The following RAB7B variants were observed in gnomAD, a reference collection of about 807,000 sequenced individuals.
RAB7B encodes the protein RAB7B, member RAS oncogene family, also known as ras-related protein Rab-7b.
chr1:205,991,745 A>G (rs1415539941), intron 4 of RAB7B, among the ~76,000 whole-genome samples: 1 of 152,236 alleles, frequency 6.6e-6, no homozygotes, highest in Non-Finnish European at 1.5e-5. Context: ...AACTTGGTTT[A>G]AACAGCTCTT....
At chr1:206,002,795 A>G (rs1660911175) in intron 1 of RAB7B, among the ~76,000 whole-genome samples, 2 of 152,284 alleles carry the variant, frequency 1.3e-5, no homozygotes, top group African/African-American at 4.8e-5. Context: ...AGGAGTGATA[A>G]TTTCCTACTC....
At chr1:205,990,854 C>T (rs998875685) in intron 4 of RAB7B, among the ~76,000 whole-genome samples, 201 of 146,278 alleles carry the variant, frequency 1.4e-3, no homozygotes, top group African/African-American at 4.8e-3. Context: ...GTGGTGCGAT[C>T]GCGGCTCACT....
chr1:205,986,518 T>C (rs961829708), intron 4 of RAB7B, among the ~76,000 whole-genome samples: 22 of 152,142 alleles, frequency 1.4e-4, no homozygotes, highest in Non-Finnish European at 1.8e-4. Flanking sequence ...TGCCTCTCCT[T>C]TTCTGTCTCC....
intron 5 of RAB7B, among the ~76,000 whole-genome samples, chr1:205,979,790 T>C (rs1473056670): frequency 6.6e-6 from 1 of 152,208 alleles, no homozygotes; most frequent in African/African-American, 2.4e-5. Flanking sequence ...GGCATGGACC[T>C]GAGCAGGGGC....
At chr1:205,997,805 C>T (rs971793987) in intron 1 of RAB7B, among the ~76,000 whole-genome samples, 21 of 152,324 alleles carry the variant, frequency 1.4e-4, no homozygotes, top group Non-Finnish European at 2.4e-4. Flanking sequence ...ATTGATACAA[C>T]GTGCTAACTT....
chr1:205,986,271 T>C (rs984636552), intron 4 of RAB7B, among the ~76,000 whole-genome samples: 2 of 152,222 alleles, frequency 1.3e-5, no homozygotes, highest in Admixed American at 6.5e-5. Context: ...GCTCCTACTA[T>C]GGGCCAGTTG....
At chr1:205,985,987 G>A (rs887689867) in intron 4 of RAB7B, among the ~76,000 whole-genome samples, 9 of 152,270 alleles carry the variant, frequency 5.9e-5, no homozygotes, top group East Asian at 1.9e-4. Context: ...AGGCTGAGCA[G>A]GATTTGAACA....
intron 1 of RAB7B, among the ~76,000 whole-genome samples, chr1:205,995,530 G>A (rs1660799184): frequency 6.6e-6 from 1 of 152,072 alleles, no homozygotes; most frequent in Non-Finnish European, 1.5e-5. Context: ...AAGAAAATCG[G>A]TACATGTACA....
At chr1:205,996,813 A>G (rs1044605951) in intron 1 of RAB7B, among the ~76,000 whole-genome samples, 1 of 152,206 alleles carries the variant, frequency 6.6e-6, no homozygotes, top group Non-Finnish European at 1.5e-5. Flanking sequence ...CCTTCTTTAC[A>G]TGGCAGCAGG....
intron 1 of RAB7B, among the ~76,000 whole-genome samples, chr1:205,996,452 A>T (rs939135457): frequency 7.9e-5 from 12 of 152,284 alleles, no homozygotes; most frequent in Non-Finnish European, 1.3e-4. Context: ...ACCTTGGGCC[A>T]GTTACTTCCC....
chr1:205,988,566 T>C (rs1660658947), intron 4 of RAB7B, among the ~76,000 whole-genome samples: 1 of 152,198 alleles, frequency 6.6e-6, no homozygotes, highest in Admixed American at 6.5e-5. Flanking sequence ...ATTTTCTTCT[T>C]ATTAGGTAGG....
In RAB7B at chr1:205,985,536, T is replaced by TCACC. The variant is rs1485531230; in HGVS notation, c.522_522+3dup. On this transcript the variant is annotated splice_donor_region_variant and intron_variant, in intron 5 of 5. Coordinates refer to ENST00000617070, the MANE Select transcript of RAB7B (RefSeq NM_001164522.3). Reference sequence around the variant, plus strand: ...CAGCAGGTCCTGCCGCCACAGCCACTCACCCTCGACAGAGCCCTACTGGCC... The same window carrying TCACC: ...CAGCAGGTCCTGCCGCCACAGCCACTCACCCACCCTCGACAGAGCCCTACTGGCC... 1.0e-5 allele frequency: 4 copies of TCACC among 398,636 alleles called. No homozygotes were observed. The highest frequency in any genetic ancestry group is 1.3e-5 in the Non-Finnish European group (3 of 226,192). 24.7% of individuals were successfully genotyped at this position (398,636 alleles called of 1,614,324 possible). A position where few individuals can be genotyped will look rare whatever the true frequency, so the allele number is the denominator to read the frequency against.
Position 205,984,774 on chromosome 1 carries a change from C to T in RAB7B, c.522+766G>A, listed in dbSNP as rs927653421. Among the ~76,000 whole-genome samples the T allele has an allele frequency of 7.2e-3, 1,100 of 152,236 alleles. 16 individuals carry two copies. Among genetic ancestry groups the T allele is most frequent in the African/African-American group, 0.025 (1,023 of 41,536 alleles). On this transcript the variant is annotated intron_variant, in intron 5 of 5. Coordinates refer to ENST00000617070, the MANE Select transcript of RAB7B (RefSeq NM_001164522.3). ...CCCTGCTTTCTCCTTTTTTCCCTGT[C>T]TTGCTTGGCTCATGGAATCACTAAT... is the stretch of plus-strand genomic sequence containing the variant.
chr1:206,001,431 C>T (rs1660889352), intron 1 of RAB7B, among the ~76,000 whole-genome samples: 1 of 152,160 alleles, frequency 6.6e-6, no homozygotes. Context: ...TTCATCTCAG[C>T]TGTGAAATGT....
intron 5 of RAB7B, among the ~76,000 whole-genome samples, chr1:205,981,456 C>T (rs1425867170): frequency 2.6e-5 from 4 of 152,220 alleles, no homozygotes; most frequent in African/African-American, 9.6e-5. Context: ...TAACTGAACA[C>T]CTACTCTGAT....
chr1:205,984,835 C>A (rs1292574672), intron 5 of RAB7B, among the ~76,000 whole-genome samples: 1 of 152,066 alleles, frequency 6.6e-6, no homozygotes, highest in African/African-American at 2.4e-5. Context: ...GGAAACCTGG[C>A]CATCAACCTA....
At chr1:206,002,027 C>T (rs922311990) in intron 1 of RAB7B, among the ~76,000 whole-genome samples, 13,266 of 152,178 alleles carry the variant, frequency 0.087, 625 homozygotes, top group Middle Eastern at 0.11. Flanking sequence ...GAGTCTCCCG[C>T]CCCCATCATA....
chr1:205,993,165 A>G (rs1660753433), intron 3 of RAB7B, among the ~76,000 whole-genome samples: 1 of 152,180 alleles, frequency 6.6e-6, no homozygotes, highest in Admixed American at 6.5e-5. Flanking sequence ...TTCTGTCTCT[A>G]TATGCCAATT....
chr1:205,989,566 G>A (rs1439552856), intron 4 of RAB7B, among the ~76,000 whole-genome samples: 2 of 151,916 alleles, frequency 1.3e-5, no homozygotes, highest in Non-Finnish European at 2.9e-5. Flanking sequence ...CTTCCTCTCA[G>A]GGCCTCTGTA....
Sources: gnomAD v4.1 joint callset for allele counts (sites outside exome capture counted in the v4.1 genomes callset) on GRCh38, gnomAD v4.1.1 for gene constraint, MANE v1.5 for transcripts, NCBI Gene and HGNC (gene_info 2026-07-23, HGNC 2026-07-21) for gene names.